ZCWPW2: variants seen among roughly 807,000 people sequenced by gnomAD.
ZCWPW2 encodes zinc finger CW-type and PWWP domain containing 2.
A neutral mutation model predicts 46.6 loss-of-function variants in ZCWPW2; 45 were observed. That is an observed-to-expected ratio of 0.96 (90% CI 0.76 to 1.24). ZCWPW2 has a LOEUF of 1.24. Among genes scored for constraint, ZCWPW2 ranks in the 50% most tolerant of loss-of-function variants. The probability of loss-of-function intolerance (pLI) is 0.00; values close to 1 mark genes in which losing one functional copy is unlikely to be tolerated. For synonymous variants in ZCWPW2, 152 were observed against 137.1 expected (o/e 1.11, Z -0.76); for missense variants, 429 against 403.9 (o/e 1.06, Z -0.53).
intron 4 of ZCWPW2, chr3:28,461,706 A>G (rs1484639505): frequency 1.3e-5 from 2 of 152,208 alleles, no homozygotes; most frequent in Non-Finnish European, 2.9e-5. Flanking sequence ...TCCAAAGTGA[A>G]CAAAATAGAC....
rs1696465406 is a variant in ZCWPW2, at chr3:28,413,050, T to G, written c.-13-6T>G. On this transcript the variant is annotated splice_polypyrimidine_tract_variant and splice_region_variant and intron_variant, in intron 2 of 9. Transcript: ENST00000383768. The stretch of plus-strand genomic sequence containing the variant: ...TTCTGTTATTTTCCTCTTTCTTATT[T>G]TCCAGATTAAATGCCTTAATGGATA... 1 of 1,583,660 alleles carries G rather than the reference T, an allele frequency of 6.3e-7. No homozygotes were observed. Among genetic ancestry groups the G allele is most frequent in the East Asian group, 2.2e-5 (1 of 44,548 alleles).
At chr3:28,369,670 A>T (rs1354403906) in intron 1 of ZCWPW2, among the ~76,000 whole-genome samples, 1 of 151,904 alleles carries the variant, frequency 6.6e-6, no homozygotes, top group Non-Finnish European at 1.5e-5. Flanking sequence ...GGGAACCACT[A>T]CTCTCTTCAA....
chr3:28,412,979 CT>C (rs991576518), intron 2 of ZCWPW2, 76 bp from the exon 3 acceptor site: 19 of 1,161,122 alleles, frequency 1.6e-5, no homozygotes, highest in Non-Finnish European at 2.0e-5. Context: ...AGGAATTTCT[CT>C]GATTTTTGGT....
At chr3:28,523,960 A>C (rs931181451) in intron 9 of ZCWPW2, among the ~76,000 whole-genome samples, 5 of 152,086 alleles carry the variant, frequency 3.3e-5, no homozygotes, top group Admixed American at 3.3e-4. Flanking sequence ...AAAAGGGTAC[A>C]TTTTTGTTAT....
chr3:28,487,566 T>C (rs981362814), intron 5 of ZCWPW2, among the ~76,000 whole-genome samples: 1 of 152,182 alleles, frequency 6.6e-6, no homozygotes, highest in Admixed American at 6.6e-5. Context: ...TGTTTTAAAT[T>C]CATGAGCTGA....
chr3:28,469,146 G>A (rs1458303096), intron 4 of ZCWPW2, among the ~76,000 whole-genome samples: 1 of 152,026 alleles, frequency 6.6e-6, no homozygotes, highest in Non-Finnish European at 1.5e-5. Context: ...TGTAAGCAGT[G>A]TTGTTATCAG....
At chr3:28,388,057 A>C (rs1354633901) in intron 1 of ZCWPW2, among the ~76,000 whole-genome samples, 1 of 152,122 alleles carries the variant, frequency 6.6e-6, no homozygotes, top group Admixed American at 6.6e-5. Context: ...GACAGAAAAG[A>C]GTGGCAGTTT....
chr3:28,358,182 A>G (rs1205435243), intron 1 of ZCWPW2, among the ~76,000 whole-genome samples: 3 of 152,080 alleles, frequency 2.0e-5, no homozygotes, highest in Non-Finnish European at 4.4e-5. Context: ...TTCTTCCAAC[A>G]CATTCTTTAT....
intron 6 of ZCWPW2, among the ~76,000 whole-genome samples, chr3:28,509,751 T>G (rs899140160): frequency 1.3e-5 from 2 of 152,200 alleles, no homozygotes; most frequent in South Asian, 2.1e-4. Context: ...GATTTGAAAA[T>G]ATTTTTTTCT....
chr3:28,361,597 C>T (rs1218179497), intron 1 of ZCWPW2, among the ~76,000 whole-genome samples: 1 of 151,578 alleles, frequency 6.6e-6, no homozygotes, highest in Non-Finnish European at 1.5e-5. Context: ...AAAAGGAAAC[C>T]TATAGAATGG....
intron 6 of ZCWPW2, among the ~76,000 whole-genome samples, chr3:28,498,895 G>A (rs925996629): frequency 1.3e-5 from 2 of 152,090 alleles, no homozygotes; most frequent in Non-Finnish European, 2.9e-5. Flanking sequence ...AGAACATGTG[G>A]TGTTTGGTTT....
At chr3:28,453,049 T>C (rs1043867977) in intron 4 of ZCWPW2, among the ~76,000 whole-genome samples, 2 of 152,174 alleles carry the variant, frequency 1.3e-5, no homozygotes, top group Non-Finnish European at 2.9e-5. Context: ...TCAAGAACTA[T>C]TGAAAGCAGG....
intron 1 of ZCWPW2, among the ~76,000 whole-genome samples, chr3:28,389,782 G>T (rs1695415668): frequency 6.6e-6 from 1 of 152,156 alleles, no homozygotes; most frequent in Admixed American, 6.6e-5. Flanking sequence ...AGTTTCTGAT[G>T]GGGGAGGCCA....
intron 4 of ZCWPW2, among the ~76,000 whole-genome samples, chr3:28,473,475 A>G (rs1203666915): frequency 7.1e-6 from 1 of 141,586 alleles, no homozygotes; most frequent in Non-Finnish European, 1.5e-5. Flanking sequence ...ACTTTGTCGC[A>G]AAAAAAAAAC....
chr3:28,416,765 T>G, intron 3 of ZCWPW2, among the ~76,000 whole-genome samples: 1 of 81,522 alleles, frequency 1.2e-5, no homozygotes, highest in Non-Finnish European at 2.4e-5. Flanking sequence ...CTGCATCTTT[T>G]GAGATAATCA....
chr3:28,446,774 A>G (rs534049681), intron 4 of ZCWPW2, among the ~76,000 whole-genome samples: 1 of 152,238 alleles, frequency 6.6e-6, no homozygotes. Flanking sequence ...CTTTAGCTAG[A>G]TGGACTAAGA....
At chr3:28,412,198 T>C (rs1024519873) in intron 2 of ZCWPW2, among the ~76,000 whole-genome samples, 1 of 151,846 alleles carries the variant, frequency 6.6e-6, no homozygotes, top group Admixed American at 6.6e-5. Context: ...CAATAATTAG[T>C]TCTACTTGTA....
At chr3:28,358,114 A>G (rs1451701782) in intron 1 of ZCWPW2, among the ~76,000 whole-genome samples, 1 of 151,928 alleles carries the variant, frequency 6.6e-6, no homozygotes, top group Non-Finnish European at 1.5e-5. Context: ...ACCTAGTTTT[A>G]TGGGTTTTAC....
chr3:28,452,140 T>C (rs2125780660), intron 4 of ZCWPW2, among the ~76,000 whole-genome samples: 1 of 152,306 alleles, frequency 6.6e-6, no homozygotes, highest in East Asian at 1.9e-4. Context: ...AATAAAGTTG[T>C]CAAAGTGGTT....
Sources: gnomAD v4.1 joint callset for allele counts (sites outside exome capture counted in the v4.1 genomes callset) on GRCh38, gnomAD v4.1.1 for gene constraint, MANE v1.5 for transcripts, NCBI Gene and HGNC (gene_info 2026-07-23, HGNC 2026-07-21) for gene names.